Variants in RBFOX1 observed in about 807,000 individuals in gnomAD.
RBFOX1 encodes the protein RNA binding fox-1 homolog 1.
A neutral mutation model predicts 57.7 loss-of-function variants in RBFOX1; 8 were observed. The observed-to-expected ratio is 0.14, with a 90% CI of 0.08 to 0.25. The LOEUF is 0.25. Ranked by LOEUF, RBFOX1 falls within the 10% of genes least tolerant of loss-of-function variation. RBFOX1 has a pLI of 1.00. For synonymous variants in RBFOX1, 326 were observed against 222.4 expected (o/e 1.47, Z -4.15); for missense variants, 611 against 548.5 (o/e 1.11, Z -1.14).
At chr16:5,518,025 C>G (rs879648817) in intron 2 of RBFOX1, among the ~76,000 whole-genome samples, 15 of 151,380 alleles carry the variant, frequency 9.9e-5, no homozygotes, top group Non-Finnish European at 1.8e-4. Flanking sequence ...TTATTCAAAA[C>G]TAATGTTAAA....
At chr16:6,367,004 C>G (rs1442333195) in intron 2 of RBFOX1, among the ~76,000 whole-genome samples, 1 of 152,180 alleles carries the variant, frequency 6.6e-6, no homozygotes, top group Non-Finnish European at 1.5e-5. Context: ...AAATCCTTGT[C>G]TTCCTTATGC....
intron 3 of RBFOX1, among the ~76,000 whole-genome samples, chr16:5,749,488 C>G (rs1486388732): frequency 6.6e-6 from 1 of 152,220 alleles, no homozygotes; most frequent in Non-Finnish European, 1.5e-5. Context: ...TTCTCCCTGT[C>G]ACTTTCAGGT....
chr16:6,527,802 G>A (rs1224533833), intron 2 of RBFOX1, among the ~76,000 whole-genome samples: 1 of 152,132 alleles, frequency 6.6e-6, no homozygotes, highest in Admixed American at 6.5e-5. Flanking sequence ...TGCTGCCTCT[G>A]TAGGGTAGGG....
intron 1 of RBFOX1, among the ~76,000 whole-genome samples, chr16:5,424,511 G>A (rs1013072244): frequency 1.3e-5 from 2 of 148,302 alleles, no homozygotes; most frequent in African/African-American, 4.9e-5. Flanking sequence ...GGATTCTAAA[G>A]ATGGGTGGCG....
intron 3 of RBFOX1, among the ~76,000 whole-genome samples, chr16:6,968,141 AGAC>A (rs2084706106): frequency 6.6e-6 from 1 of 152,128 alleles, no homozygotes. Flanking sequence ...CACCACCGCT[AGAC>A]TCGGCCTCAG....
At chr16:5,908,573 G>A (rs765070183) in intron 4 of RBFOX1, among the ~76,000 whole-genome samples, 2 of 151,782 alleles carry the variant, frequency 1.3e-5, no homozygotes, top group Non-Finnish European at 2.9e-5. Flanking sequence ...GGCTGGTCTC[G>A]AACTCCTGAC....
At chr16:6,868,067 G>A (rs1002961592) in intron 3 of RBFOX1, among the ~76,000 whole-genome samples, 5 of 152,110 alleles carry the variant, frequency 3.3e-5, no homozygotes, top group African/African-American at 4.8e-5. Flanking sequence ...TGTTTTTGCC[G>A]TATGGGTGTT....
intron 3 of RBFOX1, among the ~76,000 whole-genome samples, chr16:6,706,044 T>C (rs187413376): frequency 9.1e-4 from 138 of 152,112 alleles, no homozygotes; most frequent in African/African-American, 3.0e-3. Context: ...TAGATAGATA[T>C]AGGTTAGATG....
chr16:6,540,480 C>A (rs999735945), intron 2 of RBFOX1, among the ~76,000 whole-genome samples: 1 of 151,758 alleles, frequency 6.6e-6, no homozygotes, highest in African/African-American at 2.4e-5. Context: ...GGTGTGGTGG[C>A]ATGCGCATGT....
chr16:6,617,884 C>G (rs1235283089), intron 2 of RBFOX1, among the ~76,000 whole-genome samples: 2 of 152,102 alleles, frequency 1.3e-5, no homozygotes, highest in Non-Finnish European at 2.9e-5. Context: ...CCATGGAGGT[C>G]TAGAAGTGTC....
intron 1 of RBFOX1, among the ~76,000 whole-genome samples, chr16:5,352,732 C>T (rs1268856933): frequency 1.3e-5 from 2 of 151,520 alleles, no homozygotes. Context: ...TGCTTGAGCC[C>T]AGGAGTTTAA....
intron 1 of RBFOX1, among the ~76,000 whole-genome samples, chr16:6,071,021 A>T (rs1246356189): frequency 9.2e-5 from 14 of 152,138 alleles, no homozygotes; most frequent in Non-Finnish European, 2.9e-5. Context: ...ACCAAATTTT[A>T]TACATGCTAA....
At chr16:6,359,570 T>C (rs1423985175) in intron 2 of RBFOX1, among the ~76,000 whole-genome samples, 1 of 152,198 alleles carries the variant, frequency 6.6e-6, no homozygotes, top group African/African-American at 2.4e-5. Flanking sequence ...GTGTTAACTA[T>C]TGCTTTGCCA....
intron 5 of RBFOX1, among the ~76,000 whole-genome samples, chr16:7,522,184 G>A (rs1456339045): frequency 6.6e-6 from 1 of 152,172 alleles, no homozygotes; most frequent in Non-Finnish European, 1.5e-5. Context: ...TTAAAGAAAC[G>A]AAGTAGACAG....
At chr16:6,742,820 G>T (rs978243192) in intron 3 of RBFOX1, among the ~76,000 whole-genome samples, 1 of 152,014 alleles carries the variant, frequency 6.6e-6, no homozygotes, top group African/African-American at 2.4e-5. Flanking sequence ...TTGCCAGTAT[G>T]GTGGGAGAAA....
intron 4 of RBFOX1, among the ~76,000 whole-genome samples, chr16:7,178,194 A>G (rs758624126): frequency 1.3e-5 from 2 of 152,276 alleles, no homozygotes; most frequent in Non-Finnish European, 2.9e-5. Flanking sequence ...CACCATGGGC[A>G]TCTCTAGGGA....
At chr16:7,297,835 C>T (rs1446435398) in intron 4 of RBFOX1, among the ~76,000 whole-genome samples, 1 of 151,938 alleles carries the variant, frequency 6.6e-6, no homozygotes, top group East Asian at 1.9e-4. Context: ...CCAATAGCCC[C>T]TCCTCTATTA....
At chr16:5,968,053 G>A (rs773038470) in intron 4 of RBFOX1, among the ~76,000 whole-genome samples, 42 of 152,102 alleles carry the variant, frequency 2.8e-4, no homozygotes, top group Admixed American at 6.6e-4. Flanking sequence ...CCATTTTGAC[G>A]GTCTAAAGCT....
chr16:5,391,909 G>GCA (rs1284093916), intron 1 of RBFOX1, among the ~76,000 whole-genome samples: 4 of 141,396 alleles, frequency 2.8e-5, no homozygotes, highest in African/African-American at 1.1e-4. Flanking sequence ...ACACACACAC[G>GCA]CACACACATA....
Sources: allele counts gnomAD v4.1 joint callset (sites outside exome capture counted in the v4.1 genomes callset), GRCh38; gene constraint gnomAD v4.1.1; transcripts MANE v1.5; gene names NCBI Gene and HGNC (gene_info 2026-07-23, HGNC 2026-07-21).